CCNYL1: variants seen among roughly 807,000 people sequenced by gnomAD.
CCNYL1 encodes the protein cyclin-Y-like protein 1.
A neutral mutation model predicts 44.2 loss-of-function variants in CCNYL1; 16 were observed. That is an observed-to-expected ratio of 0.36 (90% CI 0.25 to 0.55). CCNYL1 has a LOEUF of 0.55. Ranked by LOEUF, CCNYL1 falls within the 20% of genes least tolerant of loss-of-function variation. The pLI is 0.85. For missense variants in CCNYL1, 348 were observed against 451.8 expected, an observed-to-expected ratio of 0.77 and a Z score of 2.08; for synonymous variants, 159 against 163.2, an observed-to-expected ratio of 0.97 and a Z score of 0.20.
chr2:207,753,839 C>G lies in CCNYL1; in HGVS notation c.*141C>G, dbSNP rs796502812. On this transcript the variant is annotated 3_prime_UTR_variant, in exon 10 of 10. Coordinates refer to ENST00000295414, the MANE Select transcript of CCNYL1 (RefSeq NM_001330218.2). Reference sequence around the variant, plus strand: ...TCAAATTCAAGAGACTCATGGACAACAAGGATTATACTCCACAGGAAAGAA... The same window carrying G: ...TCAAATTCAAGAGACTCATGGACAAGAAGGATTATACTCCACAGGAAAGAA... 5 of 591,614 alleles carry G rather than the reference C, an allele frequency of 8.5e-6. No homozygotes were observed. The highest frequency in any genetic ancestry group is 4.2e-5 in the South Asian group (2 of 47,474). The allele number at this position is 591,614 out of a possible 1,614,324, so 36.6% of individuals were successfully genotyped here.
chr2:207,726,063 C>G (rs2091677852), intron 2 of CCNYL1, among the ~76,000 whole-genome samples: 2 of 152,176 alleles, frequency 1.3e-5, no homozygotes, highest in Non-Finnish European at 2.9e-5. Flanking sequence ...CCATAGGCTT[C>G]TCACACAGAC....
intron 1 of CCNYL1, among the ~76,000 whole-genome samples, chr2:207,719,732 AT>A (rs1401835215): frequency 6.6e-6 from 1 of 151,370 alleles, no homozygotes; most frequent in Non-Finnish European, 1.5e-5. Flanking sequence ...AGGTTTTTTA[AT>A]TTGTTTTTTG....
chr2:207,745,459 T>C (rs1409135965), intron 7 of CCNYL1, among the ~76,000 whole-genome samples: 1 of 152,208 alleles, frequency 6.6e-6, no homozygotes, highest in African/African-American at 2.4e-5. Context: ...CCCTGTGGTC[T>C]AATTATTCCC....
intron 1 of CCNYL1, among the ~76,000 whole-genome samples, chr2:207,721,461 T>C (rs912732838): frequency 6.6e-6 from 1 of 152,242 alleles, no homozygotes; most frequent in African/African-American, 2.4e-5. Flanking sequence ...ATCTGTGAAA[T>C]TGAGATGGCT....
intron 7 of CCNYL1, among the ~76,000 whole-genome samples, chr2:207,743,682 G>C (rs1227185701): frequency 6.6e-6 from 1 of 152,178 alleles, no homozygotes; most frequent in Non-Finnish European, 1.5e-5. Context: ...AGGAAACCCA[G>C]GAGAAGGTAA....
intron 7 of CCNYL1, among the ~76,000 whole-genome samples, chr2:207,744,261 ACAG>A (rs1460156585): frequency 6.6e-6 from 1 of 151,700 alleles, no homozygotes; most frequent in African/African-American, 2.4e-5. Context: ...CAAGGAACAA[ACAG>A]CAAGGTGTCC....
chr2:207,751,151 C>G, intron 9 of CCNYL1, 32 bp downstream of exon 9: 1 of 1,579,540 alleles, frequency 6.3e-7, no homozygotes, highest in Non-Finnish European at 8.6e-7. Flanking sequence ...GTGAGGTTTT[C>G]CATCAGCCAC....
chr2:207,747,602 G>A (rs62189197), intron 8 of CCNYL1, among the ~76,000 whole-genome samples: 23,602 of 152,142 alleles, frequency 0.16, 3,027 homozygotes, highest in East Asian at 0.38. Flanking sequence ...AGGCTGGAGT[G>A]CAGTGATGCA....
In CCNYL1 at chr2:207,744,065, A is replaced by G. The variant is rs539440109; in HGVS notation, c.639+1723A>G. Among the ~76,000 whole-genome samples, 7 of 152,286 alleles carry G rather than the reference A, an allele frequency of 4.6e-5. No individual in the cohort carries two copies. The South Asian group carries it at 1.5e-3, about 32-fold the overall frequency. On this transcript the variant is annotated intron_variant, in intron 7 of 9. Transcript: ENST00000295414. ...AAGTAGCAAGAAGATGAAGCAGCAT[A>G]AAGGGATACAGAGTGACAGGAGGGG...
intron 5 of CCNYL1, among the ~76,000 whole-genome samples, chr2:207,738,711 CTTCTTTCTTTT>C (rs2091784093): frequency 4.7e-5 from 1 of 21,402 alleles, no homozygotes; most frequent in African/African-American, 2.1e-4. Context: ...GTTCACATCT[CTTCTTTCTTTT>C]TTTTTTCTTT....
At chr2:207,752,689 T>C (rs1286211813) in intron 9 of CCNYL1, among the ~76,000 whole-genome samples, 3 of 152,196 alleles carry the variant, frequency 2.0e-5, no homozygotes, top group African/African-American at 7.2e-5. Context: ...ACACTTTCTG[T>C]GGTACCTTGG....
rs987946297 is a variant in CCNYL1, at chr2:207,726,833, T to A, written c.296-9T>A. On this transcript the variant is annotated splice_polypyrimidine_tract_variant and intron_variant, in intron 2 of 9. Transcript: ENST00000295414. ...TCAGAATTGATCAGCTAATTTTTTT[T>A]ATTCTTAGTGCGAGAAAAGAGGAAG... The A allele has an allele frequency of 1.3e-6, 2 of 1,570,122 alleles. No homozygotes were observed. Among genetic ancestry groups the A allele is most frequent in the African/African-American group, 1.4e-5 (1 of 71,802 alleles).
intron 1 of CCNYL1, among the ~76,000 whole-genome samples, chr2:207,719,085 T>G (rs1489330912): frequency 1.3e-5 from 2 of 151,926 alleles, no homozygotes; most frequent in Non-Finnish European, 2.9e-5. Flanking sequence ...TGAAATAATA[T>G]GTATTTGCTT....
At position 207,748,983 on chromosome 2, in the gene CCNYL1, A is replaced by G. The variant is rs115661088; in HGVS notation, c.806+1770A>G. On this transcript the variant is annotated intron_variant, in intron 8 of 9. Coordinates refer to ENST00000295414, the MANE Select transcript of CCNYL1 (RefSeq NM_001330218.2). ...CTTGAAGGAAGCAAAATTTATTATT[A>G]TGAACACTTAGCCCTACCATGATGG... Among the ~76,000 whole-genome samples the G allele has an allele frequency of 5.0e-3, 759 of 152,358 alleles. 5 individuals are homozygous for G. Among genetic ancestry groups the G allele is most frequent in the African/African-American group, 0.015 (615 of 41,590 alleles).
At chr2:207,728,214 T>G (rs1242237751) in intron 3 of CCNYL1, among the ~76,000 whole-genome samples, 1 of 152,050 alleles carries the variant, frequency 6.6e-6, no homozygotes, top group Non-Finnish European at 1.5e-5. Flanking sequence ...TCTGCCCGCC[T>G]TGGCCTCCCA....
At chr2:207,714,722 CAGAAT>C (rs1459785622) in intron 1 of CCNYL1, 3 of 156,870 alleles carry the variant, frequency 1.9e-5, no homozygotes, top group African/African-American at 7.2e-5. Flanking sequence ...TTTGTAAGCA[CAGAAT>C]TTACCATTGT....
At chr2:207,727,036 A>G (rs1353680620) in intron 3 of CCNYL1, among the ~76,000 whole-genome samples, 160 bp downstream of exon 3, 9 of 152,228 alleles carry the variant, frequency 5.9e-5, no homozygotes, top group Non-Finnish European at 7.3e-5. Flanking sequence ...AGATTTATGC[A>G]GGAAAGTCTT....
intron 2 of CCNYL1, among the ~76,000 whole-genome samples, chr2:207,725,594 T>C (rs2091674121): frequency 6.6e-6 from 1 of 152,262 alleles, no homozygotes; most frequent in Non-Finnish European, 1.5e-5. Context: ...GGCTTCCTTT[T>C]ATACAATGCT....
At chr2:207,727,623 T>C (rs2091690754) in intron 3 of CCNYL1, among the ~76,000 whole-genome samples, 1 of 152,190 alleles carries the variant, frequency 6.6e-6, no homozygotes, top group Non-Finnish European at 1.5e-5. Context: ...ATTTGCCACA[T>C]GCCTATCAAA....
Sources: allele counts gnomAD v4.1 joint callset (sites outside exome capture counted in the v4.1 genomes callset), GRCh38; gene constraint gnomAD v4.1.1; transcripts MANE v1.5; gene names NCBI Gene and HGNC (gene_info 2026-07-23, HGNC 2026-07-21).